The following CABLES2 variants were observed in gnomAD, a reference collection of about 807,000 sequenced individuals.
CABLES2 encodes the protein CDK5 and ABL1 enzyme substrate 2.
In CABLES2, 35 loss-of-function variants were observed where a neutral mutation model predicts 44.8. That is an observed-to-expected ratio of 0.78 (90% CI 0.60 to 1.04). The LOEUF is 1.04. Among genes scored for constraint, CABLES2 ranks in the 50% least tolerant of loss-of-function variants. The probability of loss-of-function intolerance (pLI) is 0.00; values close to 1 mark genes in which losing one functional copy is unlikely to be tolerated. For missense variants in CABLES2, 566 were observed against 615.7 expected, an observed-to-expected ratio of 0.92 and a Z score of 0.85; for synonymous variants, 282 against 281.1, an observed-to-expected ratio of 1.00 and a Z score of -0.03.
chr20:62,398,353 G>A (rs1006099148), intron 1 of CABLES2, among the ~76,000 whole-genome samples: 2 of 151,564 alleles, frequency 1.3e-5, no homozygotes, highest in East Asian at 2.0e-4. Flanking sequence ...TGGTGATGAC[G>A]GTGGTGATGG....
In CABLES2 at chr20:62,388,718, C is replaced by T. The variant is rs1987844675; in HGVS notation, c.*2253G>A. On this transcript the variant is annotated 3_prime_UTR_variant, in exon 10 of 10. Coordinates refer to ENST00000279101, the MANE Select transcript of CABLES2 (RefSeq NM_031215.3). ...CAAAATAACTCAAACATTCTGAGGT[C>T]TGATACTTGCTTATGCACACTGACA... is the stretch of plus-strand genomic sequence containing the variant. 3 of 572,444 alleles carry T rather than the reference C, an allele frequency of 5.2e-6. No homozygotes were observed. The Admixed American group carries it at 9.9e-5, about 19-fold the overall frequency. The allele number at this position is 572,444 out of a possible 1,614,324, so 35.5% of individuals were successfully genotyped here.
At chr20:62,394,816 G>T in intron 4 of CABLES2, 121 bp downstream of exon 4, 2 of 847,088 alleles carry the variant, frequency 2.4e-6, no homozygotes, top group Non-Finnish European at 3.7e-6. Context: ...CCTCGCATGA[G>T]CCCGGGGGCA....
intron 6 of CABLES2, 108 bp from the exon 7 acceptor site, chr20:62,393,131 G>T: frequency 1.0e-6 from 1 of 974,466 alleles, no homozygotes; most frequent in Non-Finnish European, 1.6e-6. Flanking sequence ...GCAGGGGAGG[G>T]GCTCTAGGCC....
At chr20:62,398,017 T>TGAC (rs764884990) in intron 1 of CABLES2, among the ~76,000 whole-genome samples, 4 of 110,246 alleles carry the variant, frequency 3.6e-5, no homozygotes, top group African/African-American at 5.5e-5. Context: ...GTTATGGCGG[T>TGAC]GGTGGTGGTG....
intron 4 of CABLES2, among the ~76,000 whole-genome samples, chr20:62,394,582 G>A (rs1987981979): frequency 6.6e-6 from 1 of 152,164 alleles, no homozygotes; most frequent in South Asian, 2.1e-4. Context: ...TTAAGCCAGG[G>A]CCACACATAA....
intron 7 of CABLES2, 84 bp downstream of exon 7, chr20:62,392,836 C>A (rs1172674739): frequency 7.9e-7 from 1 of 1,263,906 alleles, no homozygotes; most frequent in Non-Finnish European, 1.1e-6. Context: ...CCTGGGGCAG[C>A]TTTGCCCACA....
intron 1 of CABLES2, among the ~76,000 whole-genome samples, chr20:62,398,315 A>G (rs1218350144): frequency 9.3e-6 from 1 of 107,962 alleles, no homozygotes; most frequent in African/African-American, 3.9e-5. Context: ...GACGGTGGTG[A>G]TGGCAGTGGT....
intron 1 of CABLES2, among the ~76,000 whole-genome samples, chr20:62,398,052 ATGG>A (rs1988076243): frequency 1.7e-4 from 9 of 54,288 alleles, no homozygotes; most frequent in African/African-American, 5.8e-4. Context: ...GATGGTGGTG[ATGG>A]CGATGGTGGT....
rs548105024 is a variant in CABLES2 at position 62,396,499 on chromosome 20, C to T, written c.434+22G>A. 320 of 1,613,622 alleles carry T rather than the reference C, an allele frequency of 2.0e-4. 3 individuals carry two copies. In the South Asian group the frequency reaches 2.7e-3, roughly 14 times the overall value. ...GCAGCCCGAGCGGAGTCGTAGAGCT[C>T]GGGGCGGACGGGGGCGTGTACCTCT... On this transcript the variant is annotated intron_variant, in intron 2 of 9. Coordinates refer to ENST00000279101, the MANE Select transcript of CABLES2 (RefSeq NM_031215.3). The surrounding 1 kb of genome is among the most constrained non-coding windows in gnomAD (Gnocchi z 5.7).
rs76057149 is a variant in CABLES2 at position 62,399,888 on chromosome 20, T to C, written c.363-3296A>G. On this transcript the variant is annotated intron_variant, in intron 1 of 9. Coordinates refer to ENST00000279101, the MANE Select transcript of CABLES2 (RefSeq NM_031215.3). ...GGATTACAGGCGTGAGCCACCATAT[T>C]GTATAACGAAGTGTGAAATAGCTCC... 3.5e-3 allele frequency among the ~76,000 whole-genome samples: 537 copies of C among 152,292 alleles called. 4 individuals carry two copies. Among genetic ancestry groups the C allele is most frequent in the Admixed American group, 6.4e-3 (98 of 15,294 alleles).
In CABLES2 at chr20:62,396,623, G is replaced by A; in HGVS notation, c.363-31C>T. On this transcript the variant is annotated intron_variant, in intron 1 of 9. Transcript: ENST00000279101. The surrounding 1 kb of genome is among the most constrained non-coding windows in gnomAD (Gnocchi z 5.7). ...AGATGACAATGGAGCCTCAAAACAG[G>A]CCACCAGCCCGGGTGCCGCCTTTGT... The A allele has an allele frequency of 6.3e-7, 1 of 1,592,234 alleles. No homozygotes were observed. The highest frequency in any genetic ancestry group is 8.5e-7 in the Non-Finnish European group (1 of 1,169,646).
At position 62,389,692 on chromosome 20, in the gene CABLES2, ACCC is replaced by A. The variant is rs1276002897; in HGVS notation, c.*1276_*1278del. Reference sequence around the variant, plus strand: ...CAGTGGCCAGTTTTGAGACCAGCTGACCCCCCATGAAGAAAAACTCAGCAGTCC... The same window carrying A: ...CAGTGGCCAGTTTTGAGACCAGCTGACCCATGAAGAAAAACTCAGCAGTCC... On this transcript the variant is annotated 3_prime_UTR_variant, in exon 10 of 10. Coordinates refer to ENST00000279101, the MANE Select transcript of CABLES2 (RefSeq NM_031215.3). 1 of 152,186 alleles carries A rather than the reference ACCC, an allele frequency of 6.6e-6. No homozygotes were observed. The highest frequency in any genetic ancestry group is 2.1e-4 in the South Asian group (1 of 4,820). The allele number at this position is 152,186 out of a possible 1,614,324, so 9.4% of individuals were successfully genotyped here. A position where few individuals can be genotyped will look rare whatever the true frequency, so the allele number is the denominator to read the frequency against.
At chr20:62,395,090 C>A in intron 3 of CABLES2, 76 bp from the exon 4 acceptor site, 1 of 1,146,288 alleles carries the variant, frequency 8.7e-7, no homozygotes, top group East Asian at 2.4e-5. Flanking sequence ...GAGCTACAGA[C>A]ATTTCCATGG....
In CABLES2 at chr20:62,393,436, C is replaced by A. The variant is rs1245870583; in HGVS notation, c.880+4G>T. The A allele has an allele frequency of 1.3e-6, 2 of 1,587,150 alleles. No homozygotes were observed. Among genetic ancestry groups the A allele is most frequent in the Non-Finnish European group, 8.6e-7 (1 of 1,165,592 alleles). Reference sequence around the variant, plus strand: ...CCAGGCCGTGGTTAAGGCACGTGGGCTACCTAGTTCTGTGCTGGCTGGTGC... The same window carrying A: ...CCAGGCCGTGGTTAAGGCACGTGGGATACCTAGTTCTGTGCTGGCTGGTGC... On this transcript the variant is annotated splice_donor_region_variant and intron_variant, in intron 6 of 9. Transcript: ENST00000279101.
intron 1 of CABLES2, 147 bp downstream of exon 1, chr20:62,406,768 G>A (rs1988299203): frequency 2.8e-6 from 1 of 360,592 alleles, no homozygotes; most frequent in Non-Finnish European, 4.4e-6. Flanking sequence ...TCTGTCCAGG[G>A]CTGACAAGGC....
intron 1 of CABLES2, among the ~76,000 whole-genome samples, chr20:62,398,288 ATGG>A (rs768769691): frequency 5.1e-5 from 3 of 59,198 alleles, no homozygotes; most frequent in African/African-American, 9.7e-5. Flanking sequence ...GGTGGTGGTG[ATGG>A]TGGCGATGGT....
At chr20:62,398,071 C>CGTGGTGGTGGTGGT in intron 1 of CABLES2, among the ~76,000 whole-genome samples, 1 of 68,234 alleles carries the variant, frequency 1.5e-5, no homozygotes, top group Non-Finnish European at 2.7e-5. Context: ...GTGGTGGTGA[C>CGTGGTGGTGGTGGT]GGTGGTGGTG....
At chr20:62,397,510 A>ACAATGCCCACTGCT (rs1463226164) in intron 1 of CABLES2, among the ~76,000 whole-genome samples, 12 of 152,186 alleles carry the variant, frequency 7.9e-5, no homozygotes, top group Non-Finnish European at 1.6e-4. Context: ...CCCTCAGGGC[A>ACAATGCCCACTGCT]CAATGCCCAC....
chr20:62,394,980 C>T lies in CABLES2; in HGVS notation c.562G>A (p.Ala188Thr), dbSNP rs141752965. Residue 188 changes from alanine (A) to threonine (T), a missense_variant, in exon 4 of 10, where the codon GCG (alanine) becomes ACG (threonine). Physicochemically the swap from Ala to Thr is moderately conservative, Grantham distance 58 (BLOSUM62 0). This residue lies in a region of CABLES2 where 436 missense variants were observed against 536.3 expected (regional missense o/e 0.81). Coordinates refer to ENST00000279101, the MANE Select transcript of CABLES2 (RefSeq NM_031215.3). The part of the protein sequence containing the change: ...VLICAKRSLC[A>T]AFSVLPYGEG... ...CCATAGGGCAGGACCGAGAAGGCCG[C>T]GCACAGGGACCGCTTGGCACAGATG... 2.2e-4 allele frequency: 359 copies of T among 1,612,962 alleles called. 2 individuals are homozygous for T. The East Asian group carries it at 2.7e-3, about 12-fold the overall frequency.
Sources: allele counts gnomAD v4.1 joint callset (sites outside exome capture counted in the v4.1 genomes callset), GRCh38; gene constraint gnomAD v4.1.1; regional missense constraint gnomAD v4.1.1; non-coding constraint Gnocchi (gnomAD v3.1); transcripts MANE v1.5; gene names NCBI Gene and HGNC (gene_info 2026-07-23, HGNC 2026-07-21).